MAML2: variants seen among roughly 807,000 people sequenced by gnomAD.
MAML2 encodes mastermind-like protein 2.
In MAML2, 22 loss-of-function variants were observed where a neutral mutation model predicts 96.1. That is an observed-to-expected ratio of 0.23 (90% CI 0.16 to 0.33). The LOEUF (loss-of-function observed/expected upper bound fraction) is 0.33, where lower values mean the gene tolerates loss of function less well. MAML2 is among the 10% of genes least tolerant of loss of function. The pLI, the probability that MAML2 is intolerant of heterozygous loss-of-function variation, is 1.00. For synonymous variants in MAML2, 561 were observed against 521.3 expected, an observed-to-expected ratio of 1.08 and a Z score of -1.04; for missense variants, 1,367 against 1,392.4, an observed-to-expected ratio of 0.98 and a Z score of 0.29.
intron 1 of MAML2, among the ~76,000 whole-genome samples, chr11:96,237,053 T>TA (rs144388746): frequency 0.012 from 1,805 of 152,282 alleles, 41 homozygotes; most frequent in African/African-American, 0.041. Flanking sequence ...CAAAATGGAT[T>TA]AAAAAATCTA....
intron 1 of MAML2, among the ~76,000 whole-genome samples, chr11:96,295,493 T>A (rs1342189931): frequency 6.6e-6 from 1 of 152,132 alleles, no homozygotes; most frequent in Non-Finnish European, 1.5e-5. Flanking sequence ...TCTCTTCAAA[T>A]GTAAGCTATG....
At chr11:96,151,626 C>T (rs1010427926) in intron 1 of MAML2, among the ~76,000 whole-genome samples, 1 of 152,160 alleles carries the variant, frequency 6.6e-6, no homozygotes, top group Non-Finnish European at 1.5e-5. Context: ...AGTGAGTTCT[C>T]ACATCTGGTT....
chr11:96,110,859 C>T (rs1047165485), intron 1 of MAML2, among the ~76,000 whole-genome samples: 1 of 152,120 alleles, frequency 6.6e-6, no homozygotes, highest in African/African-American at 2.4e-5. Flanking sequence ...ATCTTGATAA[C>T]CAAAGATATT....
chr11:96,169,519 G>A (rs934148334), intron 1 of MAML2, among the ~76,000 whole-genome samples: 2 of 152,238 alleles, frequency 1.3e-5, no homozygotes, highest in Non-Finnish European at 1.5e-5. Context: ...ACCTGGTCAC[G>A]TCCTGGGACG....
At chr11:96,093,723 A>G (rs1391471766) in intron 1 of MAML2, among the ~76,000 whole-genome samples, 1 of 152,196 alleles carries the variant, frequency 6.6e-6, no homozygotes, top group Non-Finnish European at 1.5e-5. Flanking sequence ...AAAATAAAAT[A>G]TTTCTGGAGG....
chr11:96,080,813 C>T (rs1012622230), intron 2 of MAML2, among the ~76,000 whole-genome samples: 2 of 152,156 alleles, frequency 1.3e-5, no homozygotes, highest in Non-Finnish European at 1.5e-5. Flanking sequence ...TAGTTTTGTT[C>T]TATCTGAAGG....
At chr11:96,262,504 G>A (rs186536194) in intron 1 of MAML2, among the ~76,000 whole-genome samples, 8 of 148,680 alleles carry the variant, frequency 5.4e-5, no homozygotes, top group African/African-American at 2.0e-4. Flanking sequence ...GTCTCGCTCT[G>A]TTGCCCGGGC....
intron 1 of MAML2, among the ~76,000 whole-genome samples, chr11:96,142,134 G>C (rs955876987): frequency 1.3e-5 from 2 of 152,188 alleles, no homozygotes; most frequent in African/African-American, 4.8e-5. Flanking sequence ...TGTATGGATA[G>C]AGCTATAATA....
chr11:96,195,011 T>C (rs1351098956), intron 1 of MAML2, among the ~76,000 whole-genome samples: 1 of 152,246 alleles, frequency 6.6e-6, no homozygotes, highest in African/African-American at 2.4e-5. Context: ...TTTTTCTGAC[T>C]GTGTCTATGA....
intron 1 of MAML2, among the ~76,000 whole-genome samples, chr11:96,242,306 G>A (rs992088522): frequency 6.6e-6 from 1 of 152,106 alleles, no homozygotes; most frequent in Non-Finnish European, 1.5e-5. Flanking sequence ...AAACAAGACA[G>A]GAAAAAACTT....
rs749502756 is a variant in MAML2, at chr11:96,092,168, CTGCTGT to C, written c.1857_1862del (p.Gln620_Gln621del). ...GCTGTTGTTGAGCTGAAATTGAACTCTGCTGTTGCTGTTGCTGTTGCTGTTGCTGCT... is the reference window on the plus strand; with the variant it reads ...GCTGTTGTTGAGCTGAAATTGAACTCTGCTGTTGCTGTTGCTGTTGCTGCT... On this transcript the variant is annotated inframe_deletion, in exon 2 of 5. Coordinates refer to ENST00000524717, the MANE Select transcript of MAML2 (RefSeq NM_032427.4). This position sits in a 1 kb window ranked among gnomAD's most constrained non-coding sequence, Gnocchi z 4.1. 1.7e-4 allele frequency: 268 copies of C among 1,544,152 alleles called. No homozygotes were observed. Among genetic ancestry groups the C allele is most frequent in the Middle Eastern group, 1.4e-3 (8 of 5,838 alleles).
chr11:96,047,851 G>T (rs1471406476), intron 2 of MAML2, among the ~76,000 whole-genome samples: 2 of 141,844 alleles, frequency 1.4e-5, no homozygotes, highest in Non-Finnish European at 3.0e-5. Flanking sequence ...GGCGGAGGTT[G>T]CAGTGAGCCA....
intron 1 of MAML2, among the ~76,000 whole-genome samples, chr11:96,264,096 T>C (rs183580627): frequency 6.6e-6 from 1 of 152,228 alleles, no homozygotes; most frequent in Admixed American, 6.5e-5. Flanking sequence ...GTCTCTTGTT[T>C]GGGCTATTGT....
intron 1 of MAML2, among the ~76,000 whole-genome samples, chr11:96,141,451 C>A (rs1428808005): frequency 6.6e-6 from 1 of 152,100 alleles, no homozygotes; most frequent in Non-Finnish European, 1.5e-5. Context: ...CCAGCTAGAG[C>A]CCCAGTTGTG....
intron 1 of MAML2, among the ~76,000 whole-genome samples, chr11:96,233,861 C>T (rs537545356): frequency 2.6e-5 from 4 of 152,132 alleles, no homozygotes; most frequent in Non-Finnish European, 4.4e-5. Flanking sequence ...TGAAGAAGAA[C>T]AAGAGGAAGA....
At chr11:95,980,036 C>G in intron 4 of MAML2, 73 bp from the exon 5 acceptor site, 1 of 1,172,732 alleles carries the variant, frequency 8.5e-7, no homozygotes, top group Non-Finnish European at 1.2e-6. Flanking sequence ...TTTTCAATAA[C>G]TCATCAATCT....
intron 2 of MAML2, among the ~76,000 whole-genome samples, chr11:96,043,002 T>C (rs1211765530): frequency 3.3e-5 from 5 of 152,164 alleles, no homozygotes; most frequent in Non-Finnish European, 7.3e-5. Context: ...CGCCTTAGCC[T>C]CCCAAAGTGC....
intron 1 of MAML2, among the ~76,000 whole-genome samples, chr11:96,124,143 T>C (rs1372233506): frequency 5.3e-5 from 8 of 150,446 alleles, no homozygotes; most frequent in Admixed American, 5.3e-4. Context: ...GGTGTCGTGA[T>C]TTAGAAATGG....
intron 1 of MAML2, among the ~76,000 whole-genome samples, chr11:96,210,876 G>A (rs912900458): frequency 6.6e-6 from 1 of 152,138 alleles, no homozygotes; most frequent in African/African-American, 2.4e-5. Context: ...TATAGCATAT[G>A]TGAATATAAT....
Sources: gnomAD v4.1 joint callset for allele counts (sites outside exome capture counted in the v4.1 genomes callset) on GRCh38, gnomAD v4.1.1 for gene constraint, Gnocchi (gnomAD v3.1) non-coding constraint, MANE v1.5 for transcripts, NCBI Gene and HGNC (gene_info 2026-07-23, HGNC 2026-07-21) for gene names.